NCAPG2: variants seen among roughly 807,000 people sequenced by gnomAD.
NCAPG2 encodes condensin-2 complex subunit G2.
A neutral mutation model predicts 141.1 loss-of-function variants in NCAPG2; 53 were observed. The ratio of observed to expected loss-of-function variants is 0.38; its 90% CI spans 0.30 to 0.47. The LOEUF is 0.47. Among genes scored for constraint, NCAPG2 ranks in the 20% least tolerant of loss-of-function variants. The pLI, the probability that NCAPG2 is intolerant of heterozygous loss-of-function variation, is 0.99. For missense variants in NCAPG2, 1,087 were observed against 1,389.0 expected, an observed-to-expected ratio of 0.78 and a Z score of 3.46; for synonymous variants, 499 against 490.7, an observed-to-expected ratio of 1.02 and a Z score of -0.22.
chr7:158,702,264 C>T (rs1400602341), intron 1 of NCAPG2: 1 of 175,072 alleles, frequency 5.7e-6, no homozygotes, highest in Non-Finnish European at 1.2e-5. Flanking sequence ...AAGATGCTGG[C>T]TCGGCAGAGC....
At chr7:158,683,493 T>C (rs747063032) in intron 8 of NCAPG2, 107 bp from the exon 9 acceptor site, 74 of 624,796 alleles carry the variant, frequency 1.2e-4, no homozygotes, top group Non-Finnish European at 1.5e-4. Flanking sequence ...GTCCATCTTA[T>C]ATTTCATGAG....
intron 27 of NCAPG2, chr7:158,640,085 A>G (rs1405112226): frequency 8.6e-5 from 13 of 152,036 alleles, no homozygotes. Flanking sequence ...AGAAAACTAC[A>G]CCTAGGCATA....
At chr7:158,694,881 C>G (rs1477304966) in intron 2 of NCAPG2, among the ~76,000 whole-genome samples, 1 of 152,126 alleles carries the variant, frequency 6.6e-6, no homozygotes, top group African/African-American at 2.4e-5. Flanking sequence ...CCCTCCTCCC[C>G]TTCAATTCTC....
chr7:158,683,369 G>A lies in NCAPG2; in HGVS notation c.855C>T (p.Cys285=). ...GKILEAIEND[C]IQDFMFHGIH... ...TCCCGTGGAACATGAAGTCCTGGATGCAATCATTTTCAATCGCCTGAAATA... is the reference window on the plus strand; with the variant it reads ...TCCCGTGGAACATGAAGTCCTGGATACAATCATTTTCAATCGCCTGAAATA... The change falls in exon 9 of 28, where the codon TGC becomes TGT. Residue 285 remains cysteine, a synonymous_variant. Coordinates refer to ENST00000356309, the MANE Select transcript of NCAPG2 (RefSeq NM_017760.7). 5 of 1,604,224 alleles carry A rather than the reference G, an allele frequency of 3.1e-6. No individual in the cohort carries two copies. Among genetic ancestry groups the A allele is most frequent in the Non-Finnish European group, 4.3e-6 (5 of 1,176,102 alleles).
intron 4 of NCAPG2, among the ~76,000 whole-genome samples, chr7:158,691,386 G>C (rs1018045069): frequency 1.3e-5 from 2 of 152,162 alleles, no homozygotes; most frequent in African/African-American, 4.8e-5. Context: ...TAAACTGATA[G>C]TAAAATTCAC....
In NCAPG2 at chr7:158,704,788, A is replaced by T. The variant is rs1400143279; in HGVS notation, c.-104T>A. 2 of 152,134 alleles carry T rather than the reference A, an allele frequency of 1.3e-5. No homozygotes were observed. Among genetic ancestry groups the T allele is most frequent in the East Asian group, 1.9e-4 (1 of 5,170 alleles). 9.4% of individuals were successfully genotyped at this position (152,134 alleles called of 1,614,324 possible). On this transcript the variant is annotated 5_prime_UTR_variant, in exon 1 of 28. Coordinates refer to ENST00000356309, the MANE Select transcript of NCAPG2 (RefSeq NM_017760.7). ...ATTCAAACGCACCCGCCGGCGCCCC[A>T]GACGGGCCCCGCCCTCCCGGTCGTC...
At chr7:158,696,564 T>C (rs1043243935) in intron 2 of NCAPG2, 2 of 152,188 alleles carry the variant, frequency 1.3e-5, no homozygotes, top group African/African-American at 2.4e-5. Flanking sequence ...TTCAAAAAAA[T>C]GTAAATACAA....
intron 27 of NCAPG2, among the ~76,000 whole-genome samples, chr7:158,643,907 G>A (rs1830814409): frequency 6.6e-6 from 1 of 152,188 alleles, no homozygotes; most frequent in African/African-American, 2.4e-5. Context: ...CATCTCAGAG[G>A]CTCTGGAGGG....
intron 22 of NCAPG2, among the ~76,000 whole-genome samples, 198 bp from the exon 23 acceptor site, chr7:158,652,678 G>A (rs891942105): frequency 4.6e-5 from 7 of 152,190 alleles, no homozygotes; most frequent in Admixed American, 6.5e-5. Context: ...TAAGTATGAC[G>A]TTTGTCCCAT....
At chr7:158,671,809 C>CT in intron 12 of NCAPG2, 143 bp from the exon 13 acceptor site, 1 of 914,006 alleles carries the variant, frequency 1.1e-6, no homozygotes, top group East Asian at 2.7e-5. Context: ...GAAAATACCA[C>CT]TTTTTCTAGA....
At chr7:158,697,422 C>T (rs796523251) in intron 2 of NCAPG2, among the ~76,000 whole-genome samples, 13 of 152,188 alleles carry the variant, frequency 8.5e-5, no homozygotes, top group African/African-American at 2.2e-4. Context: ...GCCAACATGG[C>T]GAAACCCTGT....
rs548212798 is a variant in NCAPG2, at chr7:158,688,397, ATATAAGT to A, written c.673-962_673-956del. On this transcript the variant is annotated intron_variant, in intron 6 of 27. Transcript: ENST00000356309. The stretch of plus-strand genomic sequence containing the variant: ...ATGTCTGTTATATATCTGCACACAT[ATATAAGT>A]TAACAAGTACGATTCATCAACTCCT... Among the ~76,000 whole-genome samples, 34 of 152,372 alleles carry A rather than the reference ATATAAGT, an allele frequency of 2.2e-4. No individual in the cohort carries two copies. The East Asian group carries it at 5.8e-3, about 26-fold the overall frequency.
intron 13 of NCAPG2, among the ~76,000 whole-genome samples, chr7:158,667,471 CCACTACTGGGTCCCTCCGCCCGCCT>C (rs1833153637): frequency 6.9e-6 from 1 of 144,098 alleles, no homozygotes; most frequent in Non-Finnish European, 1.5e-5. Context: ...CCCGCCTTAC[CCACTACTGGGTCCCTCCGCCCGCCT>C]TACCCACTAC....
intron 12 of NCAPG2, among the ~76,000 whole-genome samples, chr7:158,674,285 AAAAT>A (rs1486286527): frequency 7.7e-5 from 6 of 78,088 alleles, no homozygotes; most frequent in Non-Finnish European, 1.4e-4. Context: ...CAGAAAAAAA[AAAAT>A]TTTTTTTTTT....
chr7:158,664,588 G>C lies in NCAPG2; in HGVS notation c.1642C>G (p.His548Asp). The C allele has an allele frequency of 6.2e-7, 1 of 1,614,136 alleles. No homozygotes were observed. Among genetic ancestry groups the C allele is most frequent in the East Asian group, 2.2e-5 (1 of 44,884 alleles). The change falls in exon 14 of 28, where the codon CAC becomes GAC. Residue 548 changes from histidine (H) to aspartate (D), a missense_variant. Physicochemically the swap from His to Asp is moderately conservative, Grantham distance 81. Transcript: ENST00000356309. ...ERCVTLVQMNHAAARRFYQYA... is the reference protein window; with the variant it reads ...ERCVTLVQMNDAAARRFYQYA... ...TGATAGAACCTCCTGGCAGCGGCGTGGTTCATCTGCACCAGGGTGACACAG... is the reference window on the plus strand; with the variant it reads ...TGATAGAACCTCCTGGCAGCGGCGTCGTTCATCTGCACCAGGGTGACACAG...
intron 4 of NCAPG2, among the ~76,000 whole-genome samples, chr7:158,692,144 AAAAACAAAAC>A (rs552342639): frequency 6.6e-6 from 1 of 152,114 alleles, no homozygotes; most frequent in African/African-American, 2.4e-5. Flanking sequence ...GTCTCTACCA[AAAAACAAAAC>A]AAAACAAAAC....
At chr7:158,684,586 T>C (rs1834640374) in intron 8 of NCAPG2, among the ~76,000 whole-genome samples, 1 of 152,210 alleles carries the variant, frequency 6.6e-6, no homozygotes, top group Non-Finnish European at 1.5e-5. Flanking sequence ...AAGTAGTATG[T>C]AGAAATGAAA....
At chr7:158,678,629 A>G (rs1029356512) in intron 11 of NCAPG2, among the ~76,000 whole-genome samples, 10 of 151,656 alleles carry the variant, frequency 6.6e-5, no homozygotes, top group Admixed American at 2.0e-4. Flanking sequence ...TTGAGGCTGC[A>G]GTGAGTGATG....
chr7:158,632,961 T>G (rs112271730), intron 27 of NCAPG2, among the ~76,000 whole-genome samples: 1 of 152,212 alleles, frequency 6.6e-6, no homozygotes. Flanking sequence ...AGGTTTCATG[T>G]GTTCAGCAGC....
Sources: gnomAD v4.1 joint callset for allele counts (sites outside exome capture counted in the v4.1 genomes callset) on GRCh38, gnomAD v4.1.1 for gene constraint, MANE v1.5 for transcripts, NCBI Gene and HGNC (gene_info 2026-07-23, HGNC 2026-07-21) for gene names.